The following SLC16A7 variants were observed in gnomAD, a reference collection of about 807,000 sequenced individuals.
SLC16A7 encodes the protein monocarboxylate transporter 2.
SLC16A7 carries 33 observed loss-of-function variants against 34.9 expected under a neutral mutation model. That is an observed-to-expected ratio of 0.94 (90% CI 0.72 to 1.26). The LOEUF is 1.26. Among genes scored for constraint, SLC16A7 ranks in the 50% most tolerant of loss-of-function variants. The probability of loss-of-function intolerance (pLI) is 0.00; values close to 1 mark genes in which losing one functional copy is unlikely to be tolerated. For synonymous variants in SLC16A7, 201 were observed against 206.6 expected (o/e 0.97, Z 0.23); for missense variants, 573 against 578.1 (o/e 0.99, Z 0.09).
chr12:59,631,945 T>G (rs571722583), intron 1 of SLC16A7, among the ~76,000 whole-genome samples: 140 of 151,822 alleles, frequency 9.2e-4, no homozygotes, highest in Non-Finnish European at 1.4e-3. Flanking sequence ...GGAAGTGGGG[T>G]GGGAAGAAAT....
chr12:59,773,926 T>C (rs1044654825), intron 4 of SLC16A7, among the ~76,000 whole-genome samples: 4 of 152,206 alleles, frequency 2.6e-5, no homozygotes, highest in African/African-American at 9.6e-5. Context: ...CTTAGTGAGC[T>C]ACAAGAGGTA....
At chr12:59,722,598 GCTCTCAC>G (rs1250144746) in intron 3 of SLC16A7, among the ~76,000 whole-genome samples, 1 of 151,766 alleles carries the variant, frequency 6.6e-6, no homozygotes, top group Non-Finnish European at 1.5e-5. Flanking sequence ...TACCAGCCAT[GCTCTCAC>G]CTCAGGGAAT....
intron 2 of SLC16A7, among the ~76,000 whole-genome samples, chr12:59,656,381 T>C (rs1431752697): frequency 6.6e-6 from 1 of 151,972 alleles, no homozygotes; most frequent in Non-Finnish European, 1.5e-5. Context: ...ACTAGGATCC[T>C]TATAAATGAA....
At chr12:59,639,969 C>T (rs1880603885) in intron 1 of SLC16A7, among the ~76,000 whole-genome samples, 1 of 152,126 alleles carries the variant, frequency 6.6e-6, no homozygotes, top group Admixed American at 6.6e-5. Flanking sequence ...CAGCTCCTTA[C>T]TCAGGTTCAA....
intron 2 of SLC16A7, among the ~76,000 whole-genome samples, chr12:59,670,690 G>T (rs557281366): frequency 5.3e-5 from 8 of 152,262 alleles, no homozygotes; most frequent in Admixed American, 1.3e-4. Flanking sequence ...AAATTGGAAG[G>T]AAAAACAAAT....
chr12:59,777,899 A>G (rs1044604098), intron 5 of SLC16A7, among the ~76,000 whole-genome samples: 6 of 146,288 alleles, frequency 4.1e-5, no homozygotes, highest in African/African-American at 1.0e-4. Context: ...GAGAATATGC[A>G]GTGTTTGGTT....
At chr12:59,773,051 T>C (rs1223032810) in intron 4 of SLC16A7, among the ~76,000 whole-genome samples, 1 of 151,814 alleles carries the variant, frequency 6.6e-6, no homozygotes, top group Non-Finnish European at 1.5e-5. Flanking sequence ...TGGATTAAGA[T>C]TTGAAGGCAA....
Position 59,760,101 on chromosome 12 carries a change from C to A in SLC16A7, c.218-11118C>A, listed in dbSNP as rs183057242. Among the ~76,000 whole-genome samples, 7 of 152,052 alleles carry A rather than the reference C, an allele frequency of 4.6e-5. No homozygotes were observed. The East Asian group carries it at 1.4e-3, about 29-fold the overall frequency. On this transcript the variant is annotated intron_variant, in intron 3 of 5. Transcript: ENST00000547379. ...GAAACTATACCCGTTATTACAAGAA[C>A]AAAACAATTCAAACTCGGCCTTGTG...
Position 59,780,189 on chromosome 12 carries a change from T to C in SLC16A7, c.*510T>C, listed in dbSNP as rs767540559. 1 of 150,316 alleles carries C rather than the reference T, an allele frequency of 6.7e-6. No homozygotes were observed. The highest frequency in any genetic ancestry group is 1.5e-5 in the Non-Finnish European group (1 of 67,560). 9.3% of individuals were successfully genotyped at this position (150,316 alleles called of 1,614,324 possible). ...ACATGTACACAGAGTATCTGGAGAA[T>C]AAAACCCAAATTCAAAAAAAAAAAT... is the stretch of plus-strand genomic sequence containing the variant. On this transcript the variant is annotated 3_prime_UTR_variant, in exon 6 of 6. Transcript: ENST00000547379.
intron 1 of SLC16A7, among the ~76,000 whole-genome samples, chr12:59,633,595 T>C (rs186107941): frequency 6.6e-6 from 1 of 151,854 alleles, no homozygotes; most frequent in East Asian, 2.0e-4. Flanking sequence ...ACTGTATTAG[T>C]CCATTTTTAC....
intron 4 of SLC16A7, among the ~76,000 whole-genome samples, 194 bp downstream of exon 4, chr12:59,771,556 A>T (rs929110076): frequency 2.0e-5 from 3 of 152,218 alleles, no homozygotes; most frequent in Non-Finnish European, 4.4e-5. Context: ...TTAAAAAAAT[A>T]AAAAATTATC....
Position 59,635,161 on chromosome 12 carries a change from A to T in SLC16A7, c.-129-19991A>T, listed in dbSNP as rs187265791. ...CTTATACTAAAGGTGTTACAGCTGG[A>T]TGTATGTGCTCTAAATTCTCATTAC... is the stretch of plus-strand genomic sequence containing the variant. On this transcript the variant is annotated intron_variant, in intron 1 of 5. Coordinates refer to ENST00000547379, the MANE Select transcript of SLC16A7 (RefSeq NM_001270623.2). 7.9e-5 allele frequency among the ~76,000 whole-genome samples: 12 copies of T among 152,158 alleles called. No homozygotes were observed. The East Asian group carries it at 1.9e-3, about 25-fold the overall frequency.
Position 59,783,004 on chromosome 12 carries a change from A to G in SLC16A7, c.*3325A>G, listed in dbSNP as rs529960593. 1.9e-3 allele frequency: 284 copies of G among 152,320 alleles called. 2 individuals are homozygous for G. Among genetic ancestry groups the G allele is most frequent in the African/African-American group, 5.9e-3 (245 of 41,590 alleles). 9.4% of individuals were successfully genotyped at this position (152,320 alleles called of 1,614,324 possible). ...GCACTTTAAAAAATCTAGATAATTT[A>G]TACTCATTCTTTTCTGGCTGTACAA... On this transcript the variant is annotated 3_prime_UTR_variant, in exon 6 of 6. Transcript: ENST00000547379.
chr12:59,632,793 G>A (rs1880241329), intron 1 of SLC16A7, among the ~76,000 whole-genome samples: 1 of 152,034 alleles, frequency 6.6e-6, no homozygotes, highest in Non-Finnish European at 1.5e-5. Context: ...GCAGCCAGCA[G>A]TGTGGCCTTT....
rs1883741216 is a variant in SLC16A7 at position 59,788,016 on chromosome 12, A to G, written c.*8337A>G. 6.6e-6 allele frequency: 1 copy of G among 152,192 alleles called. No homozygotes were observed. Among genetic ancestry groups the G allele is most frequent in the African/African-American group, 2.4e-5 (1 of 41,442 alleles). 9.4% of individuals were successfully genotyped at this position (152,192 alleles called of 1,614,324 possible). On this transcript the variant is annotated 3_prime_UTR_variant, in exon 6 of 6. Transcript: ENST00000547379. ...GACTAAATTTGAAGCTTTTTATGTA[A>G]AAGTTCTTCTCCCAGATATTTTAAA...
intron 3 of SLC16A7, among the ~76,000 whole-genome samples, chr12:59,757,106 T>G (rs1592656294): frequency 1.0e-5 from 1 of 96,132 alleles, no homozygotes; most frequent in Non-Finnish European, 1.9e-5. Context: ...GGGACTGTTG[T>G]GGGGTGGGGG....
intron 1 of SLC16A7, among the ~76,000 whole-genome samples, chr12:59,639,153 A>G (rs1464622901): frequency 4.6e-5 from 7 of 152,036 alleles, no homozygotes; most frequent in Non-Finnish European, 2.9e-5. Context: ...TCTGAAAATC[A>G]TTTTTTAGTT....
chr12:59,667,591 C>A (rs2137039993), intron 2 of SLC16A7, among the ~76,000 whole-genome samples: 1 of 152,158 alleles, frequency 6.6e-6, no homozygotes, highest in East Asian at 1.9e-4. Flanking sequence ...GTTCTAAGTG[C>A]CAAAGTGTTC....
intron 3 of SLC16A7, among the ~76,000 whole-genome samples, chr12:59,709,127 A>G (rs1015550256): frequency 1.3e-5 from 2 of 151,620 alleles, no homozygotes; most frequent in African/African-American, 2.4e-5. Context: ...ATTCTATTGA[A>G]TGATAATCTA....
Sources: gnomAD v4.1 joint callset for allele counts (sites outside exome capture counted in the v4.1 genomes callset) on GRCh38, gnomAD v4.1.1 for gene constraint, MANE v1.5 for transcripts, NCBI Gene and HGNC (gene_info 2026-07-23, HGNC 2026-07-21) for gene names.